TTLL11: variants seen among roughly 807,000 people sequenced by gnomAD.
TTLL11 encodes tubulin tyrosine ligase like 11, also known as tubulin polyglutamylase TTLL11.
Under a neutral mutation model 51.7 loss-of-function variants are expected in TTLL11, and 42 were observed. That is an observed-to-expected ratio of 0.81 (90% CI 0.64 to 1.05). The LOEUF (loss-of-function observed/expected upper bound fraction) is 1.05, where lower values mean the gene tolerates loss of function less well. Among genes scored for constraint, TTLL11 ranks in the 50% least tolerant of loss-of-function variants. The probability of loss-of-function intolerance (pLI) is 0.00; values close to 1 mark genes in which losing one functional copy is unlikely to be tolerated. For missense variants in TTLL11, 799 were observed against 940.4 expected, an observed-to-expected ratio of 0.85 and a Z score of 1.97; for synonymous variants, 381 against 383.5, an observed-to-expected ratio of 0.99 and a Z score of 0.08.
chr9:121,985,339 A>T (rs1170149921), intron 4 of TTLL11, among the ~76,000 whole-genome samples: 1 of 152,128 alleles, frequency 6.6e-6, no homozygotes, highest in Non-Finnish European at 1.5e-5. Flanking sequence ...CAGAGAAGTT[A>T]AGTGACTTAT....
chr9:122,074,507 G>A (rs190352331), intron 1 of TTLL11, among the ~76,000 whole-genome samples: 1 of 152,186 alleles, frequency 6.6e-6, no homozygotes, highest in Non-Finnish European at 1.5e-5. Flanking sequence ...TTTTATATTT[G>A]GGTGGTTTTT....
intron 6 of TTLL11, among the ~76,000 whole-genome samples, chr9:121,902,828 C>T (rs1447201327): frequency 1.3e-5 from 2 of 152,116 alleles, no homozygotes; most frequent in Non-Finnish European, 2.9e-5. Flanking sequence ...ACTTCTAGTT[C>T]GTCATTGTAA....
intron 4 of TTLL11, among the ~76,000 whole-genome samples, chr9:121,985,513 C>CT (rs71371908): frequency 0.016 from 1,554 of 97,230 alleles, 24 homozygotes; most frequent in Non-Finnish European, 0.021. Context: ...ATTTTCTTTT[C>CT]TTTTTTTTTT....
In TTLL11 at chr9:122,092,469, C is replaced by G. The variant is rs1846286739; in HGVS notation, c.462+218G>C. On this transcript the variant is annotated intron_variant, in intron 1 of 8. Transcript: ENST00000321582. ...GGGAGGCAGAGGAGTGAGTGGCTAA[C>G]TTGACCTGGAGGGGTCTGGGGGGCC... 2.0e-5 allele frequency among the ~76,000 whole-genome samples: 3 copies of G among 152,144 alleles called. No individual in the cohort carries two copies. The South Asian group carries it at 6.2e-4, about 31-fold the overall frequency.
intron 2 of TTLL11, among the ~76,000 whole-genome samples, chr9:122,034,956 A>G (rs1844661241): frequency 6.6e-6 from 1 of 152,206 alleles, no homozygotes; most frequent in Non-Finnish European, 1.5e-5. Flanking sequence ...CCTTCTGCTA[A>G]AAGTCTGACC....
rs192068851 is a variant in TTLL11, at chr9:121,816,894, T to C, written c.*5693A>G. ...TTGTGAGGGAGAAATTCATATGCCA[T>C]AGGGGAAAATTTCTCTCACATTCAT... On this transcript the variant is annotated 3_prime_UTR_variant, in exon 9 of 9. Transcript: ENST00000321582. 2.0e-5 allele frequency: 3 copies of C among 152,278 alleles called. No homozygotes were observed. Among genetic ancestry groups the C allele is most frequent in the Admixed American group, 6.5e-5 (1 of 15,300 alleles). The allele number at this position is 152,278 out of a possible 1,614,324, so 9.4% of individuals were successfully genotyped here. A position where few individuals can be genotyped will look rare whatever the true frequency, so the allele number is the denominator to read the frequency against.
chr9:121,883,208 TTGTG>T (rs1838865799), intron 6 of TTLL11, among the ~76,000 whole-genome samples: 2 of 152,110 alleles, frequency 1.3e-5, no homozygotes, highest in Admixed American at 1.3e-4. Context: ...CCCTTACCAA[TTGTG>T]TGGCCTTAGG....
At chr9:121,981,577 C>T (rs1475225715) in intron 4 of TTLL11, among the ~76,000 whole-genome samples, 3 of 152,116 alleles carry the variant, frequency 2.0e-5, no homozygotes, top group Non-Finnish European at 4.4e-5. Flanking sequence ...TTACCTTTTC[C>T]TATTTTGTGG....
intron 6 of TTLL11, among the ~76,000 whole-genome samples, chr9:121,895,798 A>G: frequency 4.3e-5 from 2 of 46,544 alleles, no homozygotes; most frequent in South Asian, 7.0e-4. Flanking sequence ...GTGTCTGTGG[A>G]TGTGCGGGTG....
intron 8 of TTLL11, among the ~76,000 whole-genome samples, chr9:121,832,892 A>T (rs569321743): frequency 3.3e-5 from 5 of 152,316 alleles, no homozygotes; most frequent in Admixed American, 3.3e-4. Flanking sequence ...GTGAGCTGAG[A>T]TTGCATCAGT....
chr9:122,066,583 A>G (rs769728684), intron 1 of TTLL11, among the ~76,000 whole-genome samples: 3 of 152,230 alleles, frequency 2.0e-5, no homozygotes, highest in Non-Finnish European at 4.4e-5. Context: ...GTTTGGGGCC[A>G]TAACAGACAT....
At chr9:121,931,897 A>C (rs377324946) in intron 6 of TTLL11, among the ~76,000 whole-genome samples, 42 of 152,196 alleles carry the variant, frequency 2.8e-4, no homozygotes, top group African/African-American at 9.2e-4. Context: ...ATGTCAGCAC[A>C]CTGATTTCTC....
Position 121,834,951 on chromosome 9 carries a change from T to C in TTLL11, c.1841-12072A>G, listed in dbSNP as rs1036372993. ...GTGGTTTCATTTTCTCCTACTGAAG[T>C]TGGCCAATTTCTTTTCACCCTGCTG... On this transcript the variant is annotated intron_variant, in intron 8 of 8. Transcript: ENST00000321582. Among the ~76,000 whole-genome samples, 35 of 152,296 alleles carry C rather than the reference T, an allele frequency of 2.3e-4. 1 individual carries two copies. Among genetic ancestry groups the C allele is most frequent in the Admixed American group, 2.0e-3 (31 of 15,302 alleles).
intron 1 of TTLL11, among the ~76,000 whole-genome samples, chr9:122,051,468 G>A (rs182020315): frequency 2.6e-5 from 4 of 152,206 alleles, no homozygotes; most frequent in Admixed American, 2.0e-4. Flanking sequence ...ATACCACATC[G>A]CCTTTGGCCT....
intron 6 of TTLL11, among the ~76,000 whole-genome samples, chr9:121,939,528 G>C (rs184429478): frequency 6.6e-6 from 1 of 152,034 alleles, no homozygotes; most frequent in Non-Finnish European, 1.5e-5. Flanking sequence ...TTCTCTGGGG[G>C]TAGGGGGAGA....
chr9:122,054,738 A>G (rs1845246881), intron 1 of TTLL11, among the ~76,000 whole-genome samples: 1 of 152,198 alleles, frequency 6.6e-6, no homozygotes, highest in Admixed American at 6.5e-5. Context: ...CCAGTTCTCT[A>G]CTTCCTCACA....
At chr9:122,025,044 TAAAA>T (rs949737852) in intron 3 of TTLL11, among the ~76,000 whole-genome samples, 1 of 151,216 alleles carries the variant, frequency 6.6e-6, no homozygotes, top group Non-Finnish European at 1.5e-5. Context: ...AATTAAAAAA[TAAAA>T]AAAGGCACAG....
chr9:121,904,504 C>T (rs1188010133), intron 6 of TTLL11, among the ~76,000 whole-genome samples: 2 of 152,206 alleles, frequency 1.3e-5, no homozygotes, highest in Non-Finnish European at 2.9e-5. Context: ...TAATGTGTGG[C>T]CCATCTGGAG....
At chr9:122,079,054 G>A (rs1010620189) in intron 1 of TTLL11, among the ~76,000 whole-genome samples, 3 of 152,128 alleles carry the variant, frequency 2.0e-5, no homozygotes, top group Non-Finnish European at 4.4e-5. Context: ...TAGTGTACAA[G>A]TTGTTATGTG....
Sources: allele counts gnomAD v4.1 joint callset (sites outside exome capture counted in the v4.1 genomes callset), GRCh38; gene constraint gnomAD v4.1.1; transcripts MANE v1.5; gene names NCBI Gene and HGNC (gene_info 2026-07-23, HGNC 2026-07-21).